Variants in TNR observed in about 807,000 individuals in gnomAD.
TNR encodes the protein tenascin-R.
Under a neutral mutation model 150.4 loss-of-function variants are expected in TNR, and 45 were observed. The ratio of observed to expected loss-of-function variants is 0.30; its 90% CI spans 0.24 to 0.38. The LOEUF is 0.38. Ranked by LOEUF, TNR falls within the 10% of genes least tolerant of loss-of-function variation. TNR has a pLI of 1.00. For synonymous variants in TNR, 687 were observed against 678.4 expected, an observed-to-expected ratio of 1.01 and a Z score of -0.20; for missense variants, 1,544 against 1,759.1, an observed-to-expected ratio of 0.88 and a Z score of 2.19.
chr1:175,601,676 T>C (rs1452236162), intron 1 of TNR, among the ~76,000 whole-genome samples: 1 of 152,232 alleles, frequency 6.6e-6, no homozygotes, highest in African/African-American at 2.4e-5. Flanking sequence ...ACCTGTTGTG[T>C]GCCAGGGCCT....
chr1:175,627,010 C>A (rs567871851), intron 1 of TNR, among the ~76,000 whole-genome samples: 6 of 152,308 alleles, frequency 3.9e-5, no homozygotes, highest in African/African-American at 1.4e-4. Flanking sequence ...TCCCCTAGAT[C>A]CTTCAGAGGA....
intron 8 of TNR, among the ~76,000 whole-genome samples, chr1:175,383,662 C>G (rs1652789067): frequency 6.6e-6 from 1 of 152,236 alleles, no homozygotes. Flanking sequence ...TTAGTGCACT[C>G]CTAGTGTCGG....
chr1:175,468,815 G>C (rs962200914), intron 2 of TNR, among the ~76,000 whole-genome samples: 1 of 152,130 alleles, frequency 6.6e-6, no homozygotes, highest in Non-Finnish European at 1.5e-5. Flanking sequence ...CAGCCTGGTA[G>C]TCAGGATGGG....
At position 175,695,343 on chromosome 1, in the gene TNR, G is replaced by A. The variant is rs761962819; in HGVS notation, c.-165+47883C>T. 2.6e-5 allele frequency among the ~76,000 whole-genome samples: 4 copies of A among 152,214 alleles called. No homozygotes were observed. The East Asian group carries it at 5.8e-4, about 22-fold the overall frequency. On this transcript the variant is annotated intron_variant, in intron 1 of 22. Coordinates refer to ENST00000367674, the MANE Select transcript of TNR (RefSeq NM_003285.3). ...ATTCTGTGGTCCCAAACAAGCCTGC[G>A]GATTATGGCAGCTCTTGCCAGTGTC...
chr1:175,473,722 T>C (rs1657399385), intron 2 of TNR, among the ~76,000 whole-genome samples: 1 of 152,222 alleles, frequency 6.6e-6, no homozygotes, highest in Admixed American at 6.5e-5. Context: ...AAGCACTTTG[T>C]CTTTGATTCT....
intron 2 of TNR, among the ~76,000 whole-genome samples, chr1:175,525,685 A>G (rs1001499373): frequency 6.6e-6 from 1 of 152,182 alleles, no homozygotes; most frequent in African/African-American, 2.4e-5. Context: ...ACATCCCTCC[A>G]GGGAAATATG....
At chr1:175,511,203 A>G (rs1490831345) in intron 2 of TNR, among the ~76,000 whole-genome samples, 4 of 152,206 alleles carry the variant, frequency 2.6e-5, no homozygotes, top group Non-Finnish European at 4.4e-5. Context: ...ATAATAAAAC[A>G]AAGCTCTGCT....
intron 21 of TNR, among the ~76,000 whole-genome samples, chr1:175,328,462 A>G (rs1027846574): frequency 3.9e-5 from 6 of 152,228 alleles, no homozygotes; most frequent in African/African-American, 1.4e-4. Context: ...AGAACTGGGC[A>G]ATATTAAATG....
rs140673301 is a variant in TNR at position 175,371,637 on chromosome 1, T to G, written c.1964-4340A>C. Among the ~76,000 whole-genome samples, 454 of 152,354 alleles carry G rather than the reference T, an allele frequency of 3.0e-3. 3 individuals are homozygous for G. Among genetic ancestry groups the G allele is most frequent in the African/African-American group, 9.9e-3 (411 of 41,580 alleles). On this transcript the variant is annotated intron_variant, in intron 9 of 22. Transcript: ENST00000367674. ...TTGAGTGTCTGATGGTAAAGAGTTA[T>G]GCAAGTATTACTGAGCTTCTTAAAG...
intron 1 of TNR, among the ~76,000 whole-genome samples, chr1:175,724,519 C>T (rs1188413351): frequency 2.0e-5 from 3 of 152,030 alleles, no homozygotes; most frequent in Non-Finnish European, 2.9e-5. Context: ...GATTACAATT[C>T]GACATGAGAT....
chr1:175,669,055 A>G (rs1488179745), intron 1 of TNR, among the ~76,000 whole-genome samples: 1 of 152,202 alleles, frequency 6.6e-6, no homozygotes, highest in Non-Finnish European at 1.5e-5. Flanking sequence ...CTGCTTCCCC[A>G]GAGGCCCTCC....
intron 1 of TNR, among the ~76,000 whole-genome samples, chr1:175,600,104 T>C (rs1345548643): frequency 1.3e-5 from 2 of 152,198 alleles, no homozygotes; most frequent in African/African-American, 4.8e-5. Context: ...AACCCCAGTT[T>C]TACCACTTGT....
At chr1:175,616,697 C>T (rs1267098926) in intron 1 of TNR, among the ~76,000 whole-genome samples, 1 of 152,182 alleles carries the variant, frequency 6.6e-6, no homozygotes, top group African/African-American at 2.4e-5. Context: ...TTTCAGGAAG[C>T]AAGTTTCATT....
chr1:175,632,082 C>T (rs1558046133), intron 1 of TNR, among the ~76,000 whole-genome samples: 2 of 152,354 alleles, frequency 1.3e-5, no homozygotes, highest in South Asian at 2.1e-4. Context: ...GGAACCTTAG[C>T]TCTGTGGAAG....
intron 2 of TNR, among the ~76,000 whole-genome samples, chr1:175,411,489 C>A (rs74127002): frequency 0.025 from 3,864 of 151,938 alleles, 147 homozygotes; most frequent in African/African-American, 0.087. Flanking sequence ...GTTCTGGTGG[C>A]AGAAGTCCAA....
At chr1:175,394,919 G>A (rs1465016096) in intron 5 of TNR, among the ~76,000 whole-genome samples, 1 of 152,186 alleles carries the variant, frequency 6.6e-6, no homozygotes, top group African/African-American at 2.4e-5. Flanking sequence ...GATCAGAGAG[G>A]AGACGCTTGG....
At chr1:175,666,229 T>C (rs77781629) in intron 1 of TNR, among the ~76,000 whole-genome samples, 2,573 of 152,318 alleles carry the variant, frequency 0.017, 60 homozygotes, top group East Asian at 0.054. Context: ...GCAATTCTTG[T>C]CTGCAGTGTC....
intron 2 of TNR, among the ~76,000 whole-genome samples, chr1:175,467,582 T>A (rs775080226): frequency 6.6e-6 from 1 of 152,244 alleles, no homozygotes; most frequent in South Asian, 2.1e-4. Context: ...CATCGAGAGA[T>A]GGCCACGAGT....
intron 1 of TNR, among the ~76,000 whole-genome samples, chr1:175,650,716 CCCTACCCCTCCCCGCCT>C (rs1664936116): frequency 3.5e-5 from 1 of 28,814 alleles, no homozygotes; most frequent in Non-Finnish European, 6.9e-5. Context: ...CTACCCCTCC[CCCTACCCCTCCCCGCCT>C]CATTACTACC....
Sources: allele counts gnomAD v4.1 joint callset (sites outside exome capture counted in the v4.1 genomes callset), GRCh38; gene constraint gnomAD v4.1.1; transcripts MANE v1.5; gene names NCBI Gene and HGNC (gene_info 2026-07-23, HGNC 2026-07-21).